GRID1: variants seen among roughly 807,000 people sequenced by gnomAD.
The protein encoded by GRID1 is glutamate receptor ionotropic, delta-1.
In GRID1, 28 loss-of-function variants were observed where a neutral mutation model predicts 98.0. That is an observed-to-expected ratio of 0.29 (90% CI 0.21 to 0.39). GRID1 has a LOEUF of 0.39. GRID1 is among the 10% of genes least tolerant of loss of function. The pLI, the probability that GRID1 is intolerant of heterozygous loss-of-function variation, is 1.00. For missense variants in GRID1, 1,111 were observed against 1,340.5 expected, an observed-to-expected ratio of 0.83 and a Z score of 2.67; for synonymous variants, 553 against 538.5, an observed-to-expected ratio of 1.03 and a Z score of -0.37.
At chr10:85,878,877 T>C (rs542880791) in intron 5 of GRID1, among the ~76,000 whole-genome samples, 11,255 of 151,916 alleles carry the variant, frequency 0.074, 472 homozygotes, top group Middle Eastern at 0.14. Context: ...AGGAAACCCA[T>C]CTCACGTGCA....
intron 4 of GRID1, among the ~76,000 whole-genome samples, chr10:85,927,656 C>T (rs1033802316): frequency 9.2e-5 from 14 of 152,136 alleles, no homozygotes; most frequent in African/African-American, 2.2e-4. Flanking sequence ...ATTTTTCAAA[C>T]GAATCTCCCC....
chr10:85,917,573 C>A (rs1381991676), intron 4 of GRID1, among the ~76,000 whole-genome samples: 1 of 152,224 alleles, frequency 6.6e-6, no homozygotes, highest in East Asian at 1.9e-4. Context: ...ACACAAATAT[C>A]TTTCCTCATC....
chr10:85,725,170 T>G (rs1451156649), intron 10 of GRID1, among the ~76,000 whole-genome samples: 1 of 152,158 alleles, frequency 6.6e-6, no homozygotes, highest in Non-Finnish European at 1.5e-5. Flanking sequence ...CTAAAACACT[T>G]CAGAAGTTAT....
chr10:86,247,249 ATGG>A (rs1846745351), intron 2 of GRID1, among the ~76,000 whole-genome samples: 2 of 85,420 alleles, frequency 2.3e-5, no homozygotes, highest in African/African-American at 1.1e-4. Flanking sequence ...GGATGGACAG[ATGG>A]ATGGATAGAT....
At chr10:86,273,746 T>G (rs1847223462) in intron 2 of GRID1, among the ~76,000 whole-genome samples, 1 of 120,300 alleles carries the variant, frequency 8.3e-6, no homozygotes, top group Non-Finnish European at 1.9e-5. Flanking sequence ...CTTCGCCCAC[T>G]TTTTGATGGG....
At chr10:85,900,304 G>A (rs1207083948) in intron 5 of GRID1, among the ~76,000 whole-genome samples, 3 of 152,296 alleles carry the variant, frequency 2.0e-5, no homozygotes, top group Non-Finnish European at 2.9e-5. Context: ...CCAGACTGGC[G>A]AAGGAGGTGT....
chr10:85,879,036 G>A (rs565044910), intron 5 of GRID1, among the ~76,000 whole-genome samples: 8,375 of 149,006 alleles, frequency 0.056, 274 homozygotes, highest in African/African-American at 0.064. Context: ...GCCATTACAT[G>A]ATGGTAAAGG....
At chr10:86,112,049 C>T (rs971386833) in intron 4 of GRID1, among the ~76,000 whole-genome samples, 12 of 152,182 alleles carry the variant, frequency 7.9e-5, no homozygotes, top group African/African-American at 2.9e-4. Flanking sequence ...TGCAGGTAGG[C>T]ACTTTCAGGT....
intron 4 of GRID1, among the ~76,000 whole-genome samples, chr10:85,973,748 A>G (rs1276992710): frequency 6.6e-6 from 1 of 152,218 alleles, no homozygotes; most frequent in East Asian, 1.9e-4. Flanking sequence ...CTTTTTAAGT[A>G]TTTAACCAAA....
chr10:85,811,213 T>C (rs754730392), intron 8 of GRID1, among the ~76,000 whole-genome samples: 49 of 152,258 alleles, frequency 3.2e-4, no homozygotes, highest in African/African-American at 8.9e-4. Flanking sequence ...CCAATCGACA[T>C]ATAAAAACCC....
At chr10:85,714,445 G>A (rs190808523) in intron 12 of GRID1, among the ~76,000 whole-genome samples, 2 of 151,750 alleles carry the variant, frequency 1.3e-5, no homozygotes, top group African/African-American at 4.8e-5. Context: ...TCAAATCAGA[G>A]AGAAAGAAGT....
intron 4 of GRID1, among the ~76,000 whole-genome samples, chr10:85,982,177 A>G (rs565508540): frequency 6.9e-6 from 1 of 145,240 alleles, no homozygotes; most frequent in East Asian, 2.1e-4. Context: ...GAAAGTGATG[A>G]AAAGGGCTCT....
At chr10:85,764,227 C>T (rs1842175592) in intron 8 of GRID1, among the ~76,000 whole-genome samples, 1 of 152,144 alleles carries the variant, frequency 6.6e-6, no homozygotes, top group Non-Finnish European at 1.5e-5. Flanking sequence ...CAGTTTCATT[C>T]TAGGCTGCCA....
Position 86,223,427 on chromosome 10 carries a change from C to T in GRID1, c.236-16779G>A, listed in dbSNP as rs574321627. Among the ~76,000 whole-genome samples the T allele has an allele frequency of 4.6e-5, 7 of 152,360 alleles. No individual in the cohort carries two copies. In the East Asian group the frequency reaches 1.2e-3, roughly 25 times the overall value. On this transcript the variant is annotated intron_variant, in intron 2 of 15. Transcript: ENST00000327946. ...GCCCCTCCAAATGCCCTGCCTGGCA[C>T]GCATGCAGGCACACCACCCACAGGC...
chr10:86,225,616 C>A (rs532488015), intron 2 of GRID1, among the ~76,000 whole-genome samples: 1 of 152,304 alleles, frequency 6.6e-6, no homozygotes, highest in Admixed American at 6.5e-5. Flanking sequence ...AAGACAGCAT[C>A]TGCCAGACAC....
intron 12 of GRID1, among the ~76,000 whole-genome samples, chr10:85,696,302 A>G (rs951622635): frequency 6.6e-6 from 1 of 152,130 alleles, no homozygotes; most frequent in Non-Finnish European, 1.5e-5. Context: ...GGTCTATGAC[A>G]TTAAAAAAAA....
At chr10:86,364,900 G>T (rs1261533943) in intron 1 of GRID1, among the ~76,000 whole-genome samples, 1 of 152,144 alleles carries the variant, frequency 6.6e-6, no homozygotes, top group Admixed American at 6.5e-5. Context: ...CGCTTTGTGC[G>T]CCTAGCACAG....
intron 8 of GRID1, among the ~76,000 whole-genome samples, chr10:85,765,440 A>C (rs1842188394): frequency 6.6e-6 from 1 of 152,200 alleles, no homozygotes; most frequent in Non-Finnish European, 1.5e-5. Flanking sequence ...CTAATCTGAA[A>C]ATGCAAAATC....
At chr10:85,926,042 G>T (rs998482552) in intron 4 of GRID1, among the ~76,000 whole-genome samples, 1 of 152,172 alleles carries the variant, frequency 6.6e-6, no homozygotes, top group Non-Finnish European at 1.5e-5. Flanking sequence ...TGACTTTTTG[G>T]AGAATGGAAT....
Sources: gnomAD v4.1 joint callset for allele counts (sites outside exome capture counted in the v4.1 genomes callset) on GRCh38, gnomAD v4.1.1 for gene constraint, MANE v1.5 for transcripts, NCBI Gene and HGNC (gene_info 2026-07-23, HGNC 2026-07-21) for gene names.